The following XKR9 variants were observed in gnomAD, a reference collection of about 807,000 sequenced individuals.
XKR9 encodes XK-related protein 9.
XKR9 carries 32 observed loss-of-function variants against 32.0 expected under a neutral mutation model. The observed-to-expected ratio is 1.00, with a 90% CI of 0.76 to 1.34. The LOEUF is 1.34. Among genes scored for constraint, XKR9 ranks in the 40% most tolerant of loss-of-function variants. XKR9 has a pLI of 0.00. For missense variants in XKR9, 546 were observed against 429.7 expected, an observed-to-expected ratio of 1.27 and a Z score of -2.39; for synonymous variants, 168 against 143.4, an observed-to-expected ratio of 1.17 and a Z score of -1.22.
the XKR9 span, among the ~76,000 whole-genome samples, chr8:70,952,153 T>TAC: frequency 0.029 from 4,335 of 148,154 alleles, 173 homozygotes; most frequent in African/African-American, 0.099. Context: ...AGAAAACCTT[T>TAC]ACACACACAC....
At chr8:70,866,135 TA>T in the XKR9 span, among the ~76,000 whole-genome samples, 1 of 152,228 alleles carries the variant, frequency 6.6e-6, no homozygotes, top group Admixed American at 6.5e-5. Context: ...TTGCATGTAT[TA>T]ATATATAGTC....
At chr8:70,748,401 C>T (rs1444261807) in intron 2 of XKR9, among the ~76,000 whole-genome samples, 7 of 152,242 alleles carry the variant, frequency 4.6e-5, no homozygotes, top group Non-Finnish European at 7.3e-5. Flanking sequence ...CCGCTCCTGG[C>T]GCCTTCTCTG....
At chr8:70,813,795 A>C in the XKR9 span, among the ~76,000 whole-genome samples, 1 of 152,216 alleles carries the variant, frequency 6.6e-6, no homozygotes, top group East Asian at 1.9e-4. Flanking sequence ...AGGAAACAAC[A>C]GGTGCTGGAG....
At chr8:70,825,481 T>G in the XKR9 span, among the ~76,000 whole-genome samples, 3 of 152,270 alleles carry the variant, frequency 2.0e-5, no homozygotes, top group East Asian at 5.8e-4. Flanking sequence ...ATTCACTTAT[T>G]ACTCATACAA....
chr8:70,891,035 T>C, the XKR9 span, among the ~76,000 whole-genome samples: 4 of 152,006 alleles, frequency 2.6e-5, no homozygotes, highest in Admixed American at 2.6e-4. Flanking sequence ...TTTGTATGTG[T>C]CCAGAAATTT....
chr8:70,891,307 T>G, the XKR9 span, among the ~76,000 whole-genome samples: 1 of 151,974 alleles, frequency 6.6e-6, no homozygotes, highest in East Asian at 1.9e-4. Flanking sequence ...TGCTCTGATA[T>G]TTATTATTTC....
the XKR9 span, among the ~76,000 whole-genome samples, chr8:71,027,779 CGGGGG>C: frequency 3.4e-5 from 4 of 117,526 alleles, no homozygotes; most frequent in Admixed American, 2.0e-4. Flanking sequence ...TTTTTTTTGG[CGGGGG>C]GGGGGGGTCT....
chr8:71,003,312 A>G, the XKR9 span, among the ~76,000 whole-genome samples: 147 of 152,350 alleles, frequency 9.6e-4, no homozygotes, highest in African/African-American at 3.4e-3. Context: ...GGGGGGAAAA[A>G]GCTTATGAAA....
At chr8:71,021,532 T>A in the XKR9 span, among the ~76,000 whole-genome samples, 2 of 141,790 alleles carry the variant, frequency 1.4e-5, no homozygotes, top group Non-Finnish European at 3.1e-5. Flanking sequence ...AGACGGAGTT[T>A]CGCTCTGTCG....
chr8:70,903,378 G>T, the XKR9 span, among the ~76,000 whole-genome samples: 3 of 152,104 alleles, frequency 2.0e-5, no homozygotes, highest in East Asian at 5.8e-4. Flanking sequence ...GGGTGCATGT[G>T]TCCAGGAATT....
the XKR9 span, among the ~76,000 whole-genome samples, chr8:70,821,747 G>A: frequency 6.6e-6 from 1 of 152,170 alleles, no homozygotes; most frequent in Non-Finnish European, 1.5e-5. Flanking sequence ...TTTAAGCCAC[G>A]GCTGGGATGC....
At chr8:70,782,897 C>A (rs1807635516) in intron 2 of XKR9, among the ~76,000 whole-genome samples, 1 of 152,146 alleles carries the variant, frequency 6.6e-6, no homozygotes, top group African/African-American at 2.4e-5. Context: ...GGACTGCCAA[C>A]ACCTCTTCTA....
At chr8:70,766,927 A>G (rs907336690) in intron 2 of XKR9, among the ~76,000 whole-genome samples, 15 of 152,288 alleles carry the variant, frequency 9.8e-5, no homozygotes, top group African/African-American at 3.4e-4. Flanking sequence ...TGAACTAACC[A>G]TGCATCCCAC....
chr8:71,013,267 C>T, the XKR9 span, among the ~76,000 whole-genome samples: 1 of 152,120 alleles, frequency 6.6e-6, no homozygotes, highest in South Asian at 2.1e-4. Flanking sequence ...TGTGGGGTTT[C>T]TGCAGAGCCA....
the XKR9 span, among the ~76,000 whole-genome samples, chr8:70,906,946 A>G: frequency 6.6e-6 from 1 of 152,302 alleles, no homozygotes; most frequent in African/African-American, 2.4e-5. Context: ...TGATAAATGC[A>G]TAGTTTGTAT....
chr8:70,932,868 T>G, the XKR9 span, among the ~76,000 whole-genome samples: 2 of 152,116 alleles, frequency 1.3e-5, no homozygotes, highest in African/African-American at 4.8e-5. Context: ...GGGCTAGGAC[T>G]TCAACATATG....
At chr8:70,823,600 A>T in the XKR9 span, among the ~76,000 whole-genome samples, 16 of 152,350 alleles carry the variant, frequency 1.1e-4, no homozygotes, top group South Asian at 1.7e-3. Context: ...TGAAATTCCC[A>T]TGGTTGCTAA....
At position 70,723,718 on chromosome 8, in the gene XKR9, C is replaced by G. The variant is rs1304103509; in HGVS notation, c.494-10078C>G. On this transcript the variant is annotated intron_variant, in intron 4 of 4. Transcript: ENST00000408926. ...TCCCAGAGGGGCACCAGCCTTATGT[C>G]AACTGGAGCTCTACTGTATGAGGTG... 2.0e-5 allele frequency among the ~76,000 whole-genome samples: 3 copies of G among 152,158 alleles called. No individual in the cohort carries two copies. The East Asian group carries it at 5.8e-4, about 30-fold the overall frequency.
chr8:70,886,541 G>T, the XKR9 span, among the ~76,000 whole-genome samples: 9 of 152,182 alleles, frequency 5.9e-5, no homozygotes, highest in East Asian at 1.7e-3. Context: ...CTGCATCCTT[G>T]CCAGCATCTG....
Sources: allele counts gnomAD v4.1 joint callset (sites outside exome capture counted in the v4.1 genomes callset), GRCh38; gene constraint gnomAD v4.1.1; transcripts MANE v1.5; gene names NCBI Gene and HGNC (gene_info 2026-07-23, HGNC 2026-07-21).